Variants in THBS2 observed in about 807,000 individuals in gnomAD.
The protein encoded by THBS2 is thrombospondin-2.
A neutral mutation model predicts 135.2 loss-of-function variants in THBS2; 47 were observed. The ratio of observed to expected loss-of-function variants is 0.35; its 90% CI spans 0.28 to 0.44. The LOEUF is 0.44. THBS2 is among the 20% of genes least tolerant of loss of function. The pLI is 1.00. For missense variants in THBS2, 1,288 were observed against 1,603.1 expected (o/e 0.80, Z 3.36); for synonymous variants, 639 against 633.8 (o/e 1.01, Z -0.12).
At position 169,215,878 on chromosome 6, in the gene THBS2, C is replaced by T. The variant is rs1289741099; in HGVS notation, c.*1944G>A. 2.0e-5 allele frequency: 3 copies of T among 152,480 alleles called. No homozygotes were observed. The highest frequency in any genetic ancestry group is 2.9e-5 in the Non-Finnish European group (2 of 68,034). 9.4% of individuals were successfully genotyped at this position (152,480 alleles called of 1,614,324 possible). ...AGGGTTTCAGTGGTGAAATTTTGAC[C>T]ATGTGAACACATAAATAAATATTTA... On this transcript the variant is annotated 3_prime_UTR_variant, in exon 22 of 22. Coordinates refer to ENST00000617924, the MANE Select transcript of THBS2 (RefSeq NM_003247.5).
At chr6:169,232,635 A>C in intron 12 of THBS2, 29 bp downstream of exon 12, 1 of 1,569,334 alleles carries the variant, frequency 6.4e-7, no homozygotes, top group Non-Finnish European at 8.6e-7. Context: ...AGCCGCTCGC[A>C]ACACACAAGG....
At position 169,223,380 on chromosome 6, in the gene THBS2, T is replaced by C. The variant is rs1188670000; in HGVS notation, c.2869A>G (p.Thr957Ala). Residue 957 changes from threonine to alanine, a missense_variant, in exon 18 of 22, where the codon ACA becomes GCA. Thr to Ala is a moderately conservative substitution (Grantham distance 58). Coordinates refer to ENST00000617924, the MANE Select transcript of THBS2 (RefSeq NM_003247.5). ...VCPENNAISE[T>A]DFRNFQMVPL... ...ACCATCTGGAAGTTCCTGAAGTCTG[T>C]CTCACTGATGGCATTGTTTTCAGGA... 2 of 1,614,184 alleles carry C rather than the reference T, an allele frequency of 1.2e-6. No homozygotes were observed. Among genetic ancestry groups the C allele is most frequent in the Non-Finnish European group, 1.7e-6 (2 of 1,180,046 alleles).
At chr6:169,237,471 C>T in intron 8 of THBS2, 125 bp from the exon 9 acceptor site, 2 of 1,488,424 alleles carry the variant, frequency 1.3e-6, no homozygotes, top group Middle Eastern at 4.2e-4. Context: ...GAACCCCTCC[C>T]ATCAGCTGGG....
chr6:169,245,758 C>T (rs1780535130), intron 4 of THBS2, among the ~76,000 whole-genome samples: 2 of 147,976 alleles, frequency 1.4e-5, no homozygotes, highest in Admixed American at 6.8e-5. Flanking sequence ...CACCACTGCA[C>T]TCCAGCCTGG....
intron 5 of THBS2, 47 bp from the exon 6 acceptor site, chr6:169,240,639 A>G (rs1780256688): frequency 6.3e-7 from 1 of 1,586,808 alleles, no homozygotes; most frequent in Non-Finnish European, 8.6e-7. Flanking sequence ...AATACTACAT[A>G]TTTAGTCATC....
At chr6:169,219,934 T>C in intron 21 of THBS2, 1 of 595,150 alleles carries the variant, frequency 1.7e-6, no homozygotes, top group African/African-American at 1.8e-5. Context: ...AACTCTAGGC[T>C]ATGGCACAAT....
At chr6:169,249,986 C>T (rs562196555) in intron 2 of THBS2, among the ~76,000 whole-genome samples, 15 of 151,552 alleles carry the variant, frequency 9.9e-5, no homozygotes, top group East Asian at 7.8e-4. Context: ...GCCCAGATCA[C>T]GCCACTGCAC....
At position 169,228,138 on chromosome 6, in the gene THBS2, C is replaced by T. The variant is rs753787752; in HGVS notation, c.2403G>A (p.Val801=). 1 of 1,613,592 alleles carries T rather than the reference C, an allele frequency of 6.2e-7. No homozygotes were observed. The highest frequency in any genetic ancestry group is 2.2e-5 in the East Asian group (1 of 44,854). ...DNNGEGDACS[V]DIDGDDVFNE... is the part of the protein sequence containing the mutation. ...AGCACCCACCGTCCCCATCAATGTCCACGGAGCAGGCGTCACCCTCTCCAT... is the reference window on the plus strand; with the variant it reads ...AGCACCCACCGTCCCCATCAATGTCTACGGAGCAGGCGTCACCCTCTCCAT... Residue 801 remains valine, a synonymous_variant, in exon 15 of 22, where the codon GTG becomes GTA. Transcript: ENST00000617924.
chr6:169,222,137 A>C, intron 19 of THBS2, 60 bp downstream of exon 19: 698 of 1,521,418 alleles, frequency 4.6e-4, no homozygotes, highest in Non-Finnish European at 5.4e-4. Context: ...AGTCCTGCTG[A>C]AACACTCTGC....
chr6:169,246,122 C>G, intron 4 of THBS2, 75 bp downstream of exon 4: 2 of 1,291,970 alleles, frequency 1.5e-6, no homozygotes, highest in Non-Finnish European at 2.2e-6. Context: ...CACATACACA[C>G]ACACACATAC....
At chr6:169,220,391 TG>T in intron 20 of THBS2, 54 bp from the exon 21 acceptor site, 2 of 1,574,264 alleles carry the variant, frequency 1.3e-6, no homozygotes, top group South Asian at 2.3e-5. Context: ...ATGAACTCTG[TG>T]AAGCATTCAC....
At chr6:169,229,788 A>T in intron 13 of THBS2, 109 bp from the exon 14 acceptor site, 2 of 831,152 alleles carry the variant, frequency 2.4e-6, no homozygotes, top group Non-Finnish European at 1.9e-6. Flanking sequence ...AGCGTGCCCC[A>T]TCAGTCCTCG....
rs1437337417 is a variant in THBS2 at position 169,242,057 on chromosome 6, C to T, written c.695-99G>A. 96 of 1,363,382 alleles carry T rather than the reference C, an allele frequency of 7.0e-5. No homozygotes were observed. The Admixed American group carries it at 9.6e-4, about 14-fold the overall frequency. The allele number at this position is 1,363,382 out of a possible 1,614,324, so 84.5% of individuals were successfully genotyped here. A position where few individuals can be genotyped will look rare whatever the true frequency, so the allele number is the denominator to read the frequency against. ...GGATGACCCGCCCTGGCTCCCGGAG[C>T]GGCCTGGTGCTGGGAGACACAAGGC... On this transcript the variant is annotated intron_variant, in intron 4 of 21. Coordinates refer to ENST00000617924, the MANE Select transcript of THBS2 (RefSeq NM_003247.5).
At chr6:169,220,702 G>A (rs139388183) in intron 20 of THBS2, among the ~76,000 whole-genome samples, 84 of 152,298 alleles carry the variant, frequency 5.5e-4, no homozygotes, top group African/African-American at 1.9e-3. Context: ...AAAACCATGA[G>A]CTCACCGGCT....
At chr6:169,237,882 G>T (rs2115010017) in intron 7 of THBS2, 87 bp from the exon 8 acceptor site, 2 of 1,435,510 alleles carry the variant, frequency 1.4e-6, no homozygotes, top group East Asian at 2.5e-5. Context: ...GCTGGCGTGG[G>T]GCCACAGTTC....
intron 9 of THBS2, 89 bp from the exon 10 acceptor site, chr6:169,234,996 A>G (rs1328042837): frequency 4.4e-6 from 6 of 1,358,238 alleles, no homozygotes; most frequent in African/African-American, 1.4e-5. Context: ...AGCAGGTGGG[A>G]CATGGTGTTC....
At chr6:169,222,077 G>T in intron 19 of THBS2, 120 bp downstream of exon 19, 1 of 1,167,972 alleles carries the variant, frequency 8.6e-7, no homozygotes, top group Non-Finnish European at 1.2e-6. Context: ...AAATAACTGT[G>T]CCTGGAGTTA....
chr6:169,235,047 G>C, intron 9 of THBS2, 140 bp from the exon 10 acceptor site: 2 of 789,840 alleles, frequency 2.5e-6, no homozygotes, highest in Non-Finnish European at 3.9e-6. Flanking sequence ...CAGGTTGGCT[G>C]ACTACAGGTC....
chr6:169,223,935 G>A (rs1271277249), intron 17 of THBS2, among the ~76,000 whole-genome samples: 1 of 152,228 alleles, frequency 6.6e-6, no homozygotes, highest in Non-Finnish European at 1.5e-5. Flanking sequence ...TTCCTAGGGA[G>A]ACATGGACTT....
Sources: allele counts gnomAD v4.1 joint callset (sites outside exome capture counted in the v4.1 genomes callset), GRCh38; gene constraint gnomAD v4.1.1; transcripts MANE v1.5; gene names NCBI Gene and HGNC (gene_info 2026-07-23, HGNC 2026-07-21).